Variants in OLFM3 observed in about 807,000 individuals in gnomAD.
OLFM3 encodes the protein noelin-3.
Under a neutral mutation model 48.6 loss-of-function variants are expected in OLFM3, and 20 were observed. The observed-to-expected ratio is 0.41, with a 90% CI of 0.29 to 0.60. The LOEUF is 0.60. Ranked by LOEUF, OLFM3 falls within the 20% of genes least tolerant of loss-of-function variation. The probability of loss-of-function intolerance (pLI) is 0.28; values close to 1 mark genes in which losing one functional copy is unlikely to be tolerated. For missense variants in OLFM3, 437 were observed against 544.3 expected, an observed-to-expected ratio of 0.80 and a Z score of 1.96; for synonymous variants, 222 against 198.1, an observed-to-expected ratio of 1.12 and a Z score of -1.01.
intron 1 of OLFM3, among the ~76,000 whole-genome samples, chr1:101,850,640 A>C (rs6694948): frequency 0.28 from 42,374 of 151,894 alleles, 6,849 homozygotes; most frequent in Non-Finnish European, 0.38. Flanking sequence ...AATCAAATAC[A>C]TGAAAAAAAC....
At chr1:101,984,019 G>A (rs1303337758) in intron 1 of OLFM3, among the ~76,000 whole-genome samples, 1 of 152,186 alleles carries the variant, frequency 6.6e-6, no homozygotes, top group East Asian at 1.9e-4. Context: ...GGAGGCCAAA[G>A]TGGGCAGATC....
chr1:101,825,668 A>G (rs1557690007), intron 3 of OLFM3, among the ~76,000 whole-genome samples: 1 of 152,220 alleles, frequency 6.6e-6, no homozygotes, highest in Non-Finnish European at 1.5e-5. Context: ...TCAATACCCT[A>G]TGATTGTTCA....
rs71592233 is a variant in OLFM3 at position 101,967,590 on chromosome 1, G to GAAAAAAAAAAAAA, written c.69+29145_69+29157dup. The stretch of plus-strand genomic sequence containing the variant: ...CCTTTTTACTTCCATCCTAGTCAGT[G>GAAAAAAAAAAAAA]AAAAAAAAAAAAAAAAAAAAAAAAG... On this transcript the variant is annotated intron_variant, in intron 1 of 5. Coordinates refer to ENST00000370103, the MANE Select transcript of OLFM3 (RefSeq NM_058170.4). 1.0e-3 allele frequency among the ~76,000 whole-genome samples: 45 copies of GAAAAAAAAAAAAA among 44,580 alleles called. 6 individuals carry two copies. Among genetic ancestry groups the GAAAAAAAAAAAAA allele is most frequent in the African/African-American group, 4.0e-3 (37 of 9,240 alleles). The allele number at this position is 44,580 out of a possible 152,430, so 29.2% of individuals were successfully genotyped here.
At chr1:101,878,317 G>C (rs963365277) in intron 1 of OLFM3, among the ~76,000 whole-genome samples, 2 of 151,988 alleles carry the variant, frequency 1.3e-5, no homozygotes, top group South Asian at 4.2e-4. Context: ...CAGCACACCT[G>C]AATTAACTTC....
intron 2 of OLFM3, among the ~76,000 whole-genome samples, chr1:101,834,651 T>C (rs1437271676): frequency 6.6e-6 from 1 of 152,232 alleles, no homozygotes; most frequent in African/African-American, 2.4e-5. Flanking sequence ...ACGATTCCTC[T>C]GTTGCTCTAA....
At chr1:101,958,052 T>C (rs189984543) in intron 1 of OLFM3, among the ~76,000 whole-genome samples, 2 of 152,162 alleles carry the variant, frequency 1.3e-5, no homozygotes, top group African/African-American at 4.8e-5. Context: ...TCTGAAGACA[T>C]TGGCAAGTGA....
chr1:101,839,383 T>A (rs1052071608), intron 1 of OLFM3, among the ~76,000 whole-genome samples: 1 of 152,168 alleles, frequency 6.6e-6, no homozygotes, highest in Non-Finnish European at 1.5e-5. Context: ...AGAATGGAAA[T>A]AGAAACAGCT....
At chr1:101,808,793 A>G (rs1210889714) in intron 4 of OLFM3, among the ~76,000 whole-genome samples, 2 of 151,788 alleles carry the variant, frequency 1.3e-5, no homozygotes, top group Non-Finnish European at 2.9e-5. Flanking sequence ...TATATGTATA[A>G]CCGAGGATGG....
Position 101,932,387 on chromosome 1 carries a change from G to A in OLFM3, c.69+64361C>T, listed in dbSNP as rs183649083. ...GCTCCTACCAATAGACCACGACATT[G>A]GGAAGACAGGCACACTATGAGCAGA... On this transcript the variant is annotated intron_variant, in intron 1 of 5. Coordinates refer to ENST00000370103, the MANE Select transcript of OLFM3 (RefSeq NM_058170.4). 4.3e-4 allele frequency among the ~76,000 whole-genome samples: 65 copies of A among 152,270 alleles called. 1 individual carries two copies. In the East Asian group the frequency reaches 0.01, roughly 24 times the overall value.
chr1:101,902,558 C>G (rs1254961770), intron 1 of OLFM3, among the ~76,000 whole-genome samples: 1 of 151,990 alleles, frequency 6.6e-6, no homozygotes, highest in Non-Finnish European at 1.5e-5. Flanking sequence ...GGGACCAAAA[C>G]TACACATTAA....
At chr1:101,977,022 A>G (rs141978627) in intron 1 of OLFM3, among the ~76,000 whole-genome samples, 6 of 152,256 alleles carry the variant, frequency 3.9e-5, no homozygotes, top group African/African-American at 1.4e-4. Context: ...GCCCTAAACA[A>G]TGCTTTCAAT....
chr1:101,859,272 T>G (rs897151052), intron 1 of OLFM3, among the ~76,000 whole-genome samples: 1 of 152,102 alleles, frequency 6.6e-6, no homozygotes, highest in East Asian at 1.9e-4. Flanking sequence ...AACCAGTTTG[T>G]TATTTAGAGG....
At chr1:101,976,646 T>C (rs751217962) in intron 1 of OLFM3, among the ~76,000 whole-genome samples, 5 of 152,174 alleles carry the variant, frequency 3.3e-5, no homozygotes, top group Admixed American at 6.6e-5. Context: ...ATAAGTAAAC[T>C]GAGGCTTGTA....
chr1:101,829,108 G>T (rs6669772), intron 3 of OLFM3, among the ~76,000 whole-genome samples: 4 of 152,016 alleles, frequency 2.6e-5, no homozygotes, highest in African/African-American at 4.8e-5. Flanking sequence ...GACAGATTAC[G>T]TATAATACAT....
chr1:101,966,234 A>G (rs1043542669), intron 1 of OLFM3, among the ~76,000 whole-genome samples: 1 of 151,982 alleles, frequency 6.6e-6, no homozygotes. Context: ...GTGCAATCAT[A>G]GCTCACTGCA....
At chr1:101,823,721 T>C (rs1440743518) in intron 4 of OLFM3, among the ~76,000 whole-genome samples, 1 of 151,844 alleles carries the variant, frequency 6.6e-6, no homozygotes, top group South Asian at 2.1e-4. Flanking sequence ...AAAACTGGAG[T>C]CACAGAATCT....
chr1:101,878,248 T>C (rs1657379851), intron 1 of OLFM3, among the ~76,000 whole-genome samples: 2 of 151,886 alleles, frequency 1.3e-5, no homozygotes, highest in South Asian at 4.1e-4. Context: ...TTATCTCCAT[T>C]GTTGTGTTAA....
At chr1:101,934,175 T>C (rs1210350842) in intron 1 of OLFM3, among the ~76,000 whole-genome samples, 7 of 152,228 alleles carry the variant, frequency 4.6e-5, no homozygotes, top group East Asian at 1.9e-4. Flanking sequence ...GAAAGGCTAG[T>C]TGTAAAAAGA....
intron 1 of OLFM3, among the ~76,000 whole-genome samples, chr1:101,933,729 C>T (rs1659527719): frequency 6.6e-6 from 1 of 151,982 alleles, no homozygotes; most frequent in African/African-American, 2.4e-5. Context: ...GGCAGGTCAC[C>T]TACAAAGGGA....
Sources: allele counts gnomAD v4.1 joint callset (sites outside exome capture counted in the v4.1 genomes callset), GRCh38; gene constraint gnomAD v4.1.1; transcripts MANE v1.5; gene names NCBI Gene and HGNC (gene_info 2026-07-23, HGNC 2026-07-21).